FGGY: variants seen among roughly 807,000 people sequenced by gnomAD.
FGGY encodes FGGY carbohydrate kinase domain containing, also known as FGGY carbohydrate kinase domain-containing protein.
In FGGY, 72 loss-of-function variants were observed where a neutral mutation model predicts 71.3. The observed-to-expected ratio is 1.01, with a 90% CI of 0.84 to 1.23. FGGY has a LOEUF of 1.23. Among genes scored for constraint, FGGY ranks in the 50% most tolerant of loss-of-function variants. The pLI, the probability that FGGY is intolerant of heterozygous loss-of-function variation, is 0.00. For synonymous variants in FGGY, 251 were observed against 250.3 expected (o/e 1.00, Z -0.02); for missense variants, 668 against 682.3 (o/e 0.98, Z 0.23).
chr1:59,532,868 A>T (rs1418906954), intron 7 of FGGY, among the ~76,000 whole-genome samples: 1 of 152,234 alleles, frequency 6.6e-6, no homozygotes, highest in Non-Finnish European at 1.5e-5. Context: ...TAGAATGTCA[A>T]AAGAATCTAT....
At position 59,497,626 on chromosome 1, in the gene FGGY, A is replaced by G. The variant is rs182882746; in HGVS notation, c.671-14685A>G. On this transcript the variant is annotated intron_variant, in intron 6 of 15. Transcript: ENST00000303721. ...AACAAAAAAAACCAGAGTAGAATGC[A>G]ATTCTCCTCATCTGGATTTCAGCAA... 3.8e-3 allele frequency among the ~76,000 whole-genome samples: 586 copies of G among 152,262 alleles called. 7 individuals are homozygous for G. The highest frequency in any genetic ancestry group is 0.013 in the African/African-American group (560 of 41,550).
intron 14 of FGGY, among the ~76,000 whole-genome samples, chr1:59,739,882 G>A (rs745767387): frequency 6.6e-6 from 1 of 152,190 alleles, no homozygotes; most frequent in Non-Finnish European, 1.5e-5. Context: ...TCTTAGCCCT[G>A]GTTTCTGGTT....
intron 2 of FGGY, among the ~76,000 whole-genome samples, chr1:59,326,623 A>G (rs2047474081): frequency 6.6e-6 from 1 of 152,238 alleles, no homozygotes; most frequent in Non-Finnish European, 1.5e-5. Context: ...CTCTATCTCT[A>G]GCACCATATA....
chr1:59,435,174 A>G (rs1485562389), intron 5 of FGGY, among the ~76,000 whole-genome samples: 2 of 152,220 alleles, frequency 1.3e-5, no homozygotes, highest in Admixed American at 1.3e-4. Context: ...CAACAGCCCA[A>G]TGTGAGTTAG....
chr1:59,532,978 T>C (rs549276891), intron 7 of FGGY, among the ~76,000 whole-genome samples: 14 of 152,206 alleles, frequency 9.2e-5, no homozygotes, highest in Non-Finnish European at 1.3e-4. Context: ...GGCAACCATT[T>C]AGAAAATAAA....
chr1:59,376,241 T>G (rs924217268), intron 4 of FGGY, among the ~76,000 whole-genome samples: 9 of 152,208 alleles, frequency 5.9e-5, no homozygotes, highest in African/African-American at 2.2e-4. Context: ...AACATTAACA[T>G]CTTAGAATGG....
At chr1:59,401,111 T>C (rs1364692592) in intron 5 of FGGY, among the ~76,000 whole-genome samples, 3 of 152,250 alleles carry the variant, frequency 2.0e-5, no homozygotes, top group Non-Finnish European at 4.4e-5. Flanking sequence ...AAGTAGCTAA[T>C]ACTCTCTTTC....
At chr1:59,441,651 C>T (rs1339547172) in intron 5 of FGGY, among the ~76,000 whole-genome samples, 1 of 152,160 alleles carries the variant, frequency 6.6e-6, no homozygotes, top group Admixed American at 6.5e-5. Flanking sequence ...TAACCCTGCA[C>T]TTAACCTTTT....
In FGGY at chr1:59,742,037, G is replaced by A. The variant is rs368219984; in HGVS notation, c.1513-15894G>A. On this transcript the variant is annotated intron_variant, in intron 14 of 15. Coordinates refer to ENST00000303721, the MANE Select transcript of FGGY (RefSeq NM_018291.5). ...GAGAATCAGTTTAACCCAGAAGTTC[G>A]AGCTGCAGTGAGCTATGATCATGCC... Among the ~76,000 whole-genome samples the A allele has an allele frequency of 2.9e-4, 44 of 151,598 alleles. No homozygotes were observed. In the East Asian group the frequency reaches 7.4e-3, roughly 25 times the overall value.
intron 8 of FGGY, among the ~76,000 whole-genome samples, chr1:59,601,400 T>C (rs953007169): frequency 2.0e-5 from 3 of 152,108 alleles, no homozygotes; most frequent in South Asian, 4.1e-4. Flanking sequence ...TTGCCTTAGA[T>C]GAAACTAAGC....
intron 8 of FGGY, among the ~76,000 whole-genome samples, chr1:59,581,677 G>A (rs2096197367): frequency 6.7e-6 from 1 of 149,884 alleles, no homozygotes; most frequent in Non-Finnish European, 1.5e-5. Flanking sequence ...TTGAATAACT[G>A]CTATGTGCCA....
rs143670713 is a variant in FGGY, at chr1:59,735,586, C to T, written c.1513-22345C>T. Among the ~76,000 whole-genome samples the T allele has an allele frequency of 1.8e-4, 27 of 152,312 alleles. 1 individual carries two copies. The highest frequency in any genetic ancestry group is 6.5e-4 in the African/African-American group (27 of 41,566). The stretch of plus-strand genomic sequence containing the variant: ...GAGCTAAGAATTAGTGATTACTTCT[C>T]AACCCACCATCTCTACAAGGCAGCT... On this transcript the variant is annotated intron_variant, in intron 14 of 15. Transcript: ENST00000303721.
chr1:59,417,111 T>G (rs1345890555), intron 5 of FGGY, among the ~76,000 whole-genome samples: 2 of 152,194 alleles, frequency 1.3e-5, no homozygotes, highest in Non-Finnish European at 2.9e-5. Context: ...TCCGTAGCAG[T>G]AAGTCCTCAT....
chr1:59,735,024 A>G (rs1469070041), intron 14 of FGGY, among the ~76,000 whole-genome samples: 1 of 152,254 alleles, frequency 6.6e-6, no homozygotes, highest in Non-Finnish European at 1.5e-5. Flanking sequence ...CTATCTGGTC[A>G]TATCCAAAAA....
intron 8 of FGGY, among the ~76,000 whole-genome samples, chr1:59,581,645 A>G (rs2096196836): frequency 6.7e-6 from 1 of 150,140 alleles, no homozygotes; most frequent in South Asian, 2.1e-4. Flanking sequence ...ACCCTGTCCA[A>G]TTAAAAGTCA....
chr1:59,491,163 TTTTC>T (rs2093848668), intron 6 of FGGY, among the ~76,000 whole-genome samples: 1 of 145,256 alleles, frequency 6.9e-6, no homozygotes, highest in East Asian at 2.0e-4. Flanking sequence ...TTCTCTCTTT[TTTTC>T]TTTCTTCTTT....
At chr1:59,627,489 T>TATATACACAC (rs1469493501) in intron 10 of FGGY, among the ~76,000 whole-genome samples, 4 of 92,794 alleles carry the variant, frequency 4.3e-5, no homozygotes, top group Non-Finnish European at 8.2e-5. Context: ...TATATATATA[T>TATATACACAC]ACACACACAC....
At chr1:59,340,349 G>A (rs1393368209) in intron 3 of FGGY, among the ~76,000 whole-genome samples, 1 of 152,190 alleles carries the variant, frequency 6.6e-6, no homozygotes, top group African/African-American at 2.4e-5. Context: ...TTAGCTAGGA[G>A]TGATTAACCT....
chr1:59,501,897 C>A (rs1346639370), intron 6 of FGGY, among the ~76,000 whole-genome samples: 1 of 152,172 alleles, frequency 6.6e-6, no homozygotes, highest in African/African-American at 2.4e-5. Flanking sequence ...CCAGAATGAG[C>A]TGAGTACCCT....
Sources: allele counts gnomAD v4.1 joint callset (sites outside exome capture counted in the v4.1 genomes callset), GRCh38; gene constraint gnomAD v4.1.1; transcripts MANE v1.5; gene names NCBI Gene and HGNC (gene_info 2026-07-23, HGNC 2026-07-21).